Variants in NHSL1 observed in about 807,000 individuals in gnomAD.
The protein encoded by NHSL1 is NHS like 1, also known as NHS-like protein 1.
Under a neutral mutation model 95.0 loss-of-function variants are expected in NHSL1, and 48 were observed. That is an observed-to-expected ratio of 0.51 (90% confidence interval 0.40 to 0.64). The LOEUF is 0.64. Among genes scored for constraint, NHSL1 ranks in the 30% least tolerant of loss-of-function variants. The pLI is 0.00. For synonymous variants in NHSL1, 783 were observed against 833.9 expected (o/e 0.94, Z 1.05); for missense variants, 1,971 against 2,077.7 (o/e 0.95, Z 1.00).
In NHSL1 at chr6:138,473,292, A is replaced by G. The variant is rs776760602; in HGVS notation, c.339+14T>C. The G allele has an allele frequency of 1.7e-4, 258 of 1,531,196 alleles. 1 individual carries two copies. The highest frequency in any genetic ancestry group is 9.6e-5 in the Non-Finnish European group (109 of 1,139,068). The allele number at this position is 1,531,196 out of a possible 1,614,324, so 94.9% of individuals were successfully genotyped here. On this transcript the variant is annotated intron_variant, in intron 3 of 7. Transcript: ENST00000343505. The stretch of plus-strand genomic sequence containing the variant: ...GACCCAACCCAGGACCCCGTGTTGA[A>G]CTTTGAAGCTTACCTTTTGATCTGT...
At chr6:138,589,363 A>T (rs1784189943) in intron 1 of NHSL1, among the ~76,000 whole-genome samples, 1 of 152,100 alleles carries the variant, frequency 6.6e-6, no homozygotes, top group South Asian at 2.1e-4. Context: ...ACCCTAGACA[A>T]CCAGAGCATG....
upstream of NHSL1, among the ~76,000 whole-genome samples, chr6:138,574,487 A>G (rs889007434): frequency 1.3e-5 from 2 of 151,946 alleles, no homozygotes; most frequent in African/African-American, 4.8e-5. Flanking sequence ...CAATGAACAC[A>G]ATTCTCTTCT....
chr6:138,663,062 C>CAAAAAAAAA (rs10632082), intron 1 of NHSL1, among the ~76,000 whole-genome samples: 25 of 126,622 alleles, frequency 2.0e-4, no homozygotes, highest in African/African-American at 5.4e-4. Context: ...GAACTCACGG[C>CAAAAAAAAA]AAAAAAAAAA....
chr6:138,566,545 A>G (rs1184887694), intron 1 of NHSL1, among the ~76,000 whole-genome samples: 4 of 151,894 alleles, frequency 2.6e-5, no homozygotes, highest in African/African-American at 7.3e-5. Flanking sequence ...CCCTGACAAT[A>G]AGTTGCTTCT....
In NHSL1 at chr6:138,424,548, A is replaced by T. The variant is rs1401758623; in HGVS notation, c.4354T>A (p.Ser1452Thr). The stretch of plus-strand genomic sequence containing the variant: ...GCATCTGGGGAAGGCTCTGACCTCG[A>T]CCTCTGGAATCTAGGGTCTGTGTTC... ...LKNTDPRFQR[S>T]RSEPSPDAPE... The change falls in exon 8 of 8, where the codon TCG (serine) becomes ACG (threonine). Residue 1452 changes from serine (S) to threonine (T), a missense_variant. By Grantham distance (58) the Ser-to-Thr change is moderately conservative (BLOSUM62 1). This residue lies in a region of NHSL1 where 146 missense variants were observed against 206.3 expected (regional missense o/e 0.71). Coordinates refer to ENST00000343505, the MANE Select transcript of NHSL1 (RefSeq NM_001144060.2). This position sits in a 1 kb window ranked among gnomAD's most constrained non-coding sequence, Gnocchi z 5.9. The T allele has an allele frequency of 1.6e-5, 25 of 1,551,006 alleles. No homozygotes were observed. Among genetic ancestry groups the T allele is most frequent in the Non-Finnish European group, 2.0e-5 (23 of 1,146,850 alleles).
Position 138,430,624 on chromosome 6 carries a change from T to C in NHSL1, c.3721A>G (p.Arg1241Gly). 1 of 1,551,346 alleles carries C rather than the reference T, an allele frequency of 6.4e-7. No homozygotes were observed. Among genetic ancestry groups the C allele is most frequent in the Non-Finnish European group, 8.7e-7 (1 of 1,146,778 alleles). Residue 1241 changes from arginine to glycine, a missense_variant, in exon 6 of 8, where the codon AGG (arginine) becomes GGG (glycine). Physicochemically the swap from Arg to Gly is moderately radical, Grantham distance 125. This residue lies in a region of NHSL1 where 1,602 missense variants were observed against 1,654.5 expected (regional missense o/e 0.97). Coordinates refer to ENST00000343505, the MANE Select transcript of NHSL1 (RefSeq NM_001144060.2). This position sits in a 1 kb window ranked among gnomAD's most constrained non-coding sequence, Gnocchi z 4.7. The part of the protein sequence containing the change: ...TTGEEGSVHS[R>G]EAKESSAAQA... Reference sequence around the variant, plus strand: ...GCTGCAGAACTCTCTTTTGCCTCCCTGCTGTGCACAGAGCCCTCCTCTCCC... The same window carrying C: ...GCTGCAGAACTCTCTTTTGCCTCCCCGCTGTGCACAGAGCCCTCCTCTCCC...
chr6:138,448,298 C>T (rs978146551), intron 3 of NHSL1, among the ~76,000 whole-genome samples: 8 of 151,948 alleles, frequency 5.3e-5, no homozygotes, highest in East Asian at 3.9e-4. Flanking sequence ...AGGAACACAA[C>T]GAAAAAGGGT....
At position 138,692,122 on chromosome 6, in the gene NHSL1, T is replaced by G. The variant is rs577825496; in HGVS notation, c.96+354A>C. ...GCTTTTCCAACAGGCTACCTGCCTG[T>G]GACAGTTTTCCCACGAACTTGGCTC... On this transcript the variant is annotated intron_variant, in intron 1 of 3. Transcript: ENST00000491526. This position sits in a 1 kb window ranked among gnomAD's most constrained non-coding sequence, Gnocchi z 4.0. 114 of 449,664 alleles carry G rather than the reference T, an allele frequency of 2.5e-4. 1 individual carries two copies. The highest frequency in any genetic ancestry group is 1.7e-3 in the South Asian group (109 of 64,488). The allele number at this position is 449,664 out of a possible 1,614,324, so 27.9% of individuals were successfully genotyped here.
chr6:138,569,460 C>T (rs1783743263), intron 1 of NHSL1, among the ~76,000 whole-genome samples: 1 of 152,156 alleles, frequency 6.6e-6, no homozygotes, highest in Admixed American at 6.5e-5. Context: ...AAAGATGCTA[C>T]ACATTCCCAT....
At chr6:138,604,775 G>C (rs1008740460) in intron 1 of NHSL1, among the ~76,000 whole-genome samples, 2 of 152,054 alleles carry the variant, frequency 1.3e-5, no homozygotes. Flanking sequence ...ACAGGCATGT[G>C]CCACCAAGCC....
intron 1 of NHSL1, among the ~76,000 whole-genome samples, chr6:138,619,836 T>A (rs1784629886): frequency 6.6e-6 from 1 of 151,516 alleles, no homozygotes; most frequent in Non-Finnish European, 1.5e-5. Flanking sequence ...TAGTCCCAGC[T>A]ACTCTGGAGG....
At chr6:138,516,103 C>T (rs894095853) in intron 1 of NHSL1, among the ~76,000 whole-genome samples, 4 of 152,238 alleles carry the variant, frequency 2.6e-5, no homozygotes, top group African/African-American at 7.2e-5. Flanking sequence ...CATTTCCATG[C>T]TCCTGCGGCT....
intron 1 of NHSL1, among the ~76,000 whole-genome samples, chr6:138,567,399 G>A (rs983106906): frequency 6.6e-6 from 1 of 152,124 alleles, no homozygotes; most frequent in Admixed American, 6.5e-5. Flanking sequence ...AAAATGTTGG[G>A]ATAACAAGCA....
intron 1 of NHSL1, among the ~76,000 whole-genome samples, chr6:138,678,285 G>A (rs1266641718): frequency 1.3e-5 from 2 of 152,078 alleles, no homozygotes; most frequent in East Asian, 3.8e-4. Flanking sequence ...TGAATGTCTG[G>A]CAAAAGAGGC....
chr6:138,471,173 G>C (rs1778727994), intron 3 of NHSL1, among the ~76,000 whole-genome samples: 1 of 152,078 alleles, frequency 6.6e-6, no homozygotes, highest in Non-Finnish European at 1.5e-5. Flanking sequence ...TCAGAGTTGA[G>C]TGTCATGGTA....
intron 1 of NHSL1, among the ~76,000 whole-genome samples, chr6:138,596,779 A>G (rs967554084): frequency 6.6e-6 from 1 of 152,012 alleles, no homozygotes; most frequent in African/African-American, 2.4e-5. Context: ...GTGGGGGGGA[A>G]GTTCTGAAAG....
At chr6:138,570,004 TCCTCCCTTCACAAGTTG>T (rs1168402905) in intron 1 of NHSL1, among the ~76,000 whole-genome samples, 4 of 152,254 alleles carry the variant, frequency 2.6e-5, no homozygotes, top group Non-Finnish European at 5.9e-5. Context: ...CGTAAGCAAG[TCCTCCCTTCACAAGTTG>T]CCCCTGTCCT....
intron 1 of NHSL1, among the ~76,000 whole-genome samples, chr6:138,612,255 A>G (rs1206785719): frequency 6.6e-6 from 1 of 152,158 alleles, no homozygotes; most frequent in Non-Finnish European, 1.5e-5. Flanking sequence ...CAAATATTTT[A>G]CTTCTCAGTA....
intron 5 of NHSL1, among the ~76,000 whole-genome samples, chr6:138,434,472 C>A (rs11970110): frequency 6.7e-6 from 1 of 148,622 alleles, no homozygotes; most frequent in African/African-American, 2.5e-5. Context: ...GGGACGTGGA[C>A]GAGGTAAACT....
Sources: allele counts gnomAD v4.1 joint callset (sites outside exome capture counted in the v4.1 genomes callset), GRCh38; gene constraint gnomAD v4.1.1; regional missense constraint gnomAD v4.1.1; non-coding constraint Gnocchi (gnomAD v3.1); transcripts MANE v1.5; gene names NCBI Gene and HGNC (gene_info 2026-07-23, HGNC 2026-07-21).